The following BANP variants were observed in gnomAD, a reference collection of about 807,000 sequenced individuals.
BANP encodes the protein BTG3 associated nuclear protein, also known as protein BANP.
Under a neutral mutation model 68.1 loss-of-function variants are expected in BANP, and 11 were observed. The ratio of observed to expected loss-of-function variants is 0.16; its 90% CI spans 0.10 to 0.27. The LOEUF is 0.27. Ranked by LOEUF, BANP falls within the 10% of genes least tolerant of loss-of-function variation. BANP has a pLI of 1.00. For synonymous variants in BANP, 329 were observed against 303.2 expected, an observed-to-expected ratio of 1.09 and a Z score of -0.88; for missense variants, 504 against 722.7, an observed-to-expected ratio of 0.70 and a Z score of 3.47.
At chr16:87,963,280 T>C (rs1441176023) in intron 1 of BANP, 1 of 152,300 alleles carries the variant, frequency 6.6e-6, no homozygotes, top group African/African-American at 2.4e-5. Context: ...GTGAGCTTAT[T>C]GTTCTGGGCG....
intron 11 of BANP, among the ~76,000 whole-genome samples, chr16:88,061,031 C>G (rs893053903): frequency 1.1e-4 from 16 of 152,322 alleles, no homozygotes; most frequent in Admixed American, 6.5e-4. Flanking sequence ...GAGCGCCGCC[C>G]TGCTGGAAGG....
intron 2 of BANP, among the ~76,000 whole-genome samples, chr16:87,975,448 C>T (rs898731748): frequency 1.3e-5 from 2 of 152,188 alleles, no homozygotes; most frequent in Non-Finnish European, 2.9e-5. Flanking sequence ...TGGGGGTATG[C>T]GTGTGTTCTA....
intron 6 of BANP, among the ~76,000 whole-genome samples, chr16:88,009,470 G>T (rs1364865476): frequency 6.6e-6 from 1 of 152,184 alleles, no homozygotes; most frequent in Non-Finnish European, 1.5e-5. Flanking sequence ...ATGCTGTTTT[G>T]TATCAAATTT....
chr16:87,977,923 T>C (rs1282762264), intron 2 of BANP, among the ~76,000 whole-genome samples: 1 of 152,122 alleles, frequency 6.6e-6, no homozygotes, highest in African/African-American at 2.4e-5. Flanking sequence ...GCAACCTTTG[T>C]CTCCTGGATT....
chr16:88,075,351 A>T (rs1387555008), intron 13 of BANP, among the ~76,000 whole-genome samples: 1 of 152,064 alleles, frequency 6.6e-6, no homozygotes. Context: ...GTCTCAAAAA[A>T]ATTTAGCCGG....
At chr16:88,042,865 C>T (rs929815236) in intron 11 of BANP, among the ~76,000 whole-genome samples, 2 of 152,096 alleles carry the variant, frequency 1.3e-5, no homozygotes, top group African/African-American at 4.8e-5. Flanking sequence ...TGCAGTGAGC[C>T]GTGATTGTGC....
At chr16:88,048,839 T>C (rs903477150) in intron 11 of BANP, among the ~76,000 whole-genome samples, 11 of 152,106 alleles carry the variant, frequency 7.2e-5, no homozygotes, top group Non-Finnish European at 1.5e-4. Flanking sequence ...ATTCTAACAG[T>C]GTTCTCGGTA....
intron 1 of BANP, among the ~76,000 whole-genome samples, chr16:87,954,666 G>C (rs1469435930): frequency 6.6e-6 from 1 of 152,242 alleles, no homozygotes; most frequent in African/African-American, 2.4e-5. Flanking sequence ...GCAGGTGCGG[G>C]TTTGGCCTGC....
At chr16:88,058,059 T>A (rs755124173) in intron 11 of BANP, among the ~76,000 whole-genome samples, 1 of 152,152 alleles carries the variant, frequency 6.6e-6, no homozygotes, top group Non-Finnish European at 1.5e-5. Context: ...TTTTTCACTC[T>A]GAGAGTGAAC....
intron 8 of BANP, among the ~76,000 whole-genome samples, chr16:88,031,997 G>T (rs2078283195): frequency 1.3e-5 from 2 of 151,990 alleles, no homozygotes; most frequent in African/African-American, 4.8e-5. Context: ...TAGAGACGGG[G>T]TTCACCATGT....
intron 4 of BANP, among the ~76,000 whole-genome samples, chr16:87,988,796 A>C (rs902541737): frequency 1.3e-5 from 2 of 152,190 alleles, no homozygotes; most frequent in African/African-American, 4.8e-5. Context: ...CTGCGGTATC[A>C]CATGCCCTTC....
intron 1 of BANP, among the ~76,000 whole-genome samples, chr16:87,971,473 C>A (rs548222360): frequency 2.9e-4 from 44 of 152,142 alleles, no homozygotes; most frequent in Non-Finnish European, 5.6e-4. Flanking sequence ...ACATATCTTT[C>A]CTTGTGTGTC....
intron 4 of BANP, among the ~76,000 whole-genome samples, chr16:87,984,687 A>G (rs2063945998): frequency 1.3e-5 from 2 of 152,268 alleles, no homozygotes; most frequent in South Asian, 4.1e-4. Context: ...TTTAAAAAGT[A>G]GAGTCTAATG....
intron 1 of BANP, among the ~76,000 whole-genome samples, chr16:87,961,189 A>G (rs745785448): frequency 2.0e-5 from 3 of 152,272 alleles, no homozygotes; most frequent in African/African-American, 7.2e-5. Context: ...TATTGCAAAC[A>G]GCCTTTAAGG....
chr16:87,969,013 C>G (rs1478391785), intron 1 of BANP, among the ~76,000 whole-genome samples: 1 of 152,208 alleles, frequency 6.6e-6, no homozygotes, highest in Non-Finnish European at 1.5e-5. Flanking sequence ...TGGAAATATT[C>G]TGTGCATATC....
At chr16:87,988,252 G>A (rs112284146) in intron 4 of BANP, among the ~76,000 whole-genome samples, 4 of 152,190 alleles carry the variant, frequency 2.6e-5, no homozygotes, top group African/African-American at 9.6e-5. Flanking sequence ...GTGCTTCTAT[G>A]GATTATTTAT....
rs2060222239 is a variant in BANP, at chr16:87,967,342, A to G, written c.-68-7706A>G. Reference sequence around the variant, plus strand: ...CAGGCCGCTCTCCAACTCTGACCTCAGGTGATCCACCCACCTTCTCCTCCC... The same window carrying G: ...CAGGCCGCTCTCCAACTCTGACCTCGGGTGATCCACCCACCTTCTCCTCCC... On this transcript the variant is annotated intron_variant, in intron 1 of 13. Coordinates refer to ENST00000682872, the MANE Select transcript of BANP (RefSeq NM_001386991.1). 2.1e-5 allele frequency among the ~76,000 whole-genome samples: 3 copies of G among 146,000 alleles called. No individual in the cohort carries two copies. The Admixed American group carries it at 2.1e-4, about 10-fold the overall frequency.
chr16:87,987,410 TGTG>T (rs2064720336), intron 4 of BANP, among the ~76,000 whole-genome samples: 1 of 151,912 alleles, frequency 6.6e-6, no homozygotes, highest in African/African-American at 2.4e-5. Context: ...AAGTTTTAAA[TGTG>T]GTATATTTGA....
chr16:88,027,613 G>T lies in BANP; in HGVS notation c.1026G>T (p.Ser342=), dbSNP rs942394796. 5.0e-6 allele frequency: 8 copies of T among 1,613,674 alleles called. No homozygotes were observed. In the East Asian group the frequency reaches 1.3e-4, roughly 27 times the overall value. The change falls in exon 8 of 14, where the codon TCG becomes TCT. Residue 342 remains serine (S), a synonymous_variant. Transcript: ENST00000682872. The part of the protein sequence containing the change: ...RGQSLAVKSF[S]RRTPNSSSYC... ...AGAGCCTGGCGGTCAAGAGCTTCTCGCGGAGAACGCCCAACTCGTCCTCCT... is the reference window on the plus strand; with the variant it reads ...AGAGCCTGGCGGTCAAGAGCTTCTCTCGGAGAACGCCCAACTCGTCCTCCT...
Sources: gnomAD v4.1 joint callset for allele counts (sites outside exome capture counted in the v4.1 genomes callset) on GRCh38, gnomAD v4.1.1 for gene constraint, MANE v1.5 for transcripts, NCBI Gene and HGNC (gene_info 2026-07-23, HGNC 2026-07-21) for gene names.